Variants in SF3B1 observed in about 807,000 individuals in gnomAD.
SF3B1 encodes pre-mRNA processing 10.
A neutral mutation model predicts 153.8 loss-of-function variants in SF3B1; 12 were observed. That is an observed-to-expected ratio of 0.08 (90% confidence interval 0.05 to 0.13). The LOEUF (loss-of-function observed/expected upper bound fraction) is 0.13, where lower values mean the gene tolerates loss of function less well. SF3B1 is among the 10% of genes least tolerant of loss of function. The pLI, the probability that SF3B1 is intolerant of heterozygous loss-of-function variation, is 1.00. For synonymous variants in SF3B1, 498 were observed against 525.2 expected, an observed-to-expected ratio of 0.95 and a Z score of 0.71; for missense variants, 513 against 1,606.1, an observed-to-expected ratio of 0.32 and a Z score of 11.63.
At chr2:197,393,213 T>C (rs754175099) in intron 23 of SF3B1, 25 bp from the exon 24 acceptor site, 1 of 1,503,644 alleles carries the variant, frequency 6.7e-7, no homozygotes, top group Non-Finnish European at 9.3e-7. Flanking sequence ...AAAAAAGTCC[T>C]TTAAGATGCG....
At chr2:197,392,853 C>T in intron 24 of SF3B1, 119 bp downstream of exon 24, 2 of 649,430 alleles carry the variant, frequency 3.1e-6, no homozygotes, top group East Asian at 5.4e-5. Context: ...GTGCAGCAAA[C>T]CACCATGGCA....
intron 2 of SF3B1, 29 bp downstream of exon 2, chr2:197,423,779 C>G: frequency 6.2e-7 from 1 of 1,603,134 alleles, no homozygotes. Flanking sequence ...AAAAAAATAA[C>G]TGCCTCTTGT....
At chr2:197,431,747 G>A (rs997049738) in intron 1 of SF3B1, among the ~76,000 whole-genome samples, 1 of 151,936 alleles carries the variant, frequency 6.6e-6, no homozygotes, top group Non-Finnish European at 1.5e-5. Context: ...AACTCCAATA[G>A]GACAACTAAC....
rs1235376677 is a variant in SF3B1 at position 197,398,193 on chromosome 2, A to G, written c.3135-77T>C. On this transcript the variant is annotated intron_variant, in intron 21 of 24. Coordinates refer to ENST00000335508, the MANE Select transcript of SF3B1 (RefSeq NM_012433.4). ...AGGATAAATTTGCAAATTCAGTTCTAAAAACATGATTAACTCATTTTAAGC... is the reference window on the plus strand; with the variant it reads ...AGGATAAATTTGCAAATTCAGTTCTGAAAACATGATTAACTCATTTTAAGC... The G allele has an allele frequency of 5.9e-6, 7 of 1,183,234 alleles. No individual in the cohort carries two copies. In the East Asian group the frequency reaches 7.0e-5, roughly 12 times the overall value. 73.3% of individuals were successfully genotyped at this position (1,183,234 alleles called of 1,614,324 possible).
intron 11 of SF3B1, among the ~76,000 whole-genome samples, chr2:197,404,518 A>G (rs1357316704): frequency 1.3e-5 from 2 of 152,110 alleles, no homozygotes; most frequent in Non-Finnish European, 2.9e-5. Flanking sequence ...CGGAGGTTGC[A>G]GTGAGCCAAG....
intron 1 of SF3B1, among the ~76,000 whole-genome samples, chr2:197,431,061 C>T (rs956928969): frequency 6.6e-6 from 1 of 151,722 alleles, no homozygotes; most frequent in Non-Finnish European, 1.5e-5. Flanking sequence ...AACTGCTCCC[C>T]ACCAATTCTG....
intron 1 of SF3B1, among the ~76,000 whole-genome samples, chr2:197,424,362 G>T (rs567436890): frequency 6.6e-6 from 1 of 152,118 alleles, no homozygotes; most frequent in East Asian, 1.9e-4. Context: ...GTAGCTGGGC[G>T]TGGGGGCATG....
intron 21 of SF3B1, 85 bp from the exon 22 acceptor site, chr2:197,398,201 G>C: frequency 9.0e-7 from 1 of 1,112,912 alleles, no homozygotes; most frequent in Non-Finnish European, 1.3e-6. Context: ...CTAAAAACAT[G>C]ATTAACTCAT....
At chr2:197,397,674 G>A (rs568850817) in intron 22 of SF3B1, among the ~76,000 whole-genome samples, 6 of 152,278 alleles carry the variant, frequency 3.9e-5, no homozygotes, top group Non-Finnish European at 7.4e-5. Flanking sequence ...GTGCATGCCT[G>A]TAGTCCCAGC....
At chr2:197,416,087 A>C (rs897110879) in intron 6 of SF3B1, among the ~76,000 whole-genome samples, 1 of 150,616 alleles carries the variant, frequency 6.6e-6, no homozygotes, top group African/African-American at 2.4e-5. Flanking sequence ...CAAAGTGCTG[A>C]GATTATAGGC....
At chr2:197,420,137 A>G (rs1189680815) in intron 4 of SF3B1, 5 of 340,820 alleles carry the variant, frequency 1.5e-5, no homozygotes, top group African/African-American at 2.1e-5. Context: ...CATTTGATCC[A>G]AGTATAGAAA....
chr2:197,402,967 G>T lies in SF3B1; in HGVS notation c.1788C>A (p.Ile596=). The change falls in exon 13 of 25, where the codon ATC becomes ATA. Residue 596 remains isoleucine, a synonymous_variant. Transcript: ENST00000335508. This position sits in a 1 kb window ranked among gnomAD's most constrained non-coding sequence, Gnocchi z 4.6. ...TAAATACCTTTGCCAAATTAGAAAT[G>T]ATCTCTCGGCCTTCCACTCTAGCAT... ...DYYARVEGRE[I]ISNLAKAAGL... is the part of the protein sequence containing the mutation. The T allele has an allele frequency of 6.2e-7, 1 of 1,613,560 alleles. No individual in the cohort carries two copies. The highest frequency in any genetic ancestry group is 8.5e-7 in the Non-Finnish European group (1 of 1,179,640).
At chr2:197,417,334 T>C (rs1334619978) in intron 5 of SF3B1, among the ~76,000 whole-genome samples, 1 of 152,094 alleles carries the variant, frequency 6.6e-6, no homozygotes, top group Non-Finnish European at 1.5e-5. Context: ...ATTATGTAAA[T>C]ATGCATAGTG....
chr2:197,403,077 T>C (rs2084951848), intron 12 of SF3B1, 42 bp from the exon 13 acceptor site: 2 of 1,360,612 alleles, frequency 1.5e-6, no homozygotes, highest in African/African-American at 2.9e-5. Context: ...TTCACATCAA[T>C]TACTGATGAA....
Position 197,398,959 on chromosome 2 carries a change from G to T in SF3B1, c.3014-378C>A, listed in dbSNP as rs185330349. ...AATAAAGCAAAAATTTCCAGAAAGGGCCCCCTTACCCTTTAACTGCAAAAC... is the reference window on the plus strand; with the variant it reads ...AATAAAGCAAAAATTTCCAGAAAGGTCCCCCTTACCCTTTAACTGCAAAAC... On this transcript the variant is annotated intron_variant, in intron 20 of 24. Coordinates refer to ENST00000335508, the MANE Select transcript of SF3B1 (RefSeq NM_012433.4). 18 of 936,982 alleles carry T rather than the reference G, an allele frequency of 1.9e-5. No homozygotes were observed. In the Admixed American group the frequency reaches 4.2e-4, roughly 22 times the overall value. The allele number at this position is 936,982 out of a possible 1,614,324, so 58.0% of individuals were successfully genotyped here.
Position 197,400,307 on chromosome 2 carries a change from T to C in SF3B1, c.2846A>G (p.Gln949Arg). Residue 949 changes from glutamine to arginine, a missense_variant, in exon 19 of 25, where the codon CAA (glutamine) becomes CGA (arginine). Around this residue, in one of 21 missense-constraint regions of SF3B1, gnomAD observed 20 missense variants for 90.4 expected, o/e 0.22. Transcript: ENST00000335508. The surrounding 1 kb of genome is among the most constrained non-coding windows in gnomAD (Gnocchi z 5.0). ...TCGAGAAATCAAGTCAGCTGCCTGT[T>C]GCCTAACTTTAGCAGATTTGTTATT... The part of the protein sequence containing the change: ...RLNNKSAKVR[Q>R]QAADLISRTA... The C allele has an allele frequency of 6.2e-7, 1 of 1,614,148 alleles. No individual in the cohort carries two copies. Among genetic ancestry groups the C allele is most frequent in the Non-Finnish European group, 8.5e-7 (1 of 1,179,966 alleles).
Position 197,392,968 on chromosome 2 carries a change from T to G in SF3B1, c.3756+4A>C, listed in dbSNP as rs757204976. On this transcript the variant is annotated splice_donor_region_variant and intron_variant, in intron 24 of 24. Transcript: ENST00000335508. Reference sequence around the variant, plus strand: ...ACCGATTAAAAAAAAAATCTTTAACTTACCTGTAAACAATATTGCAACATT... The same window carrying G: ...ACCGATTAAAAAAAAAATCTTTAACGTACCTGTAAACAATATTGCAACATT... The G allele has an allele frequency of 6.4e-7, 1 of 1,561,692 alleles. No individual in the cohort carries two copies.
At chr2:197,418,889 T>A in intron 4 of SF3B1, 2 of 1,588,294 alleles carry the variant, frequency 1.3e-6, no homozygotes, top group Non-Finnish European at 1.7e-6. Flanking sequence ...TAATCCGGAA[T>A]ACGTACACTT....
At chr2:197,417,132 G>A (rs2085159591) in intron 5 of SF3B1, among the ~76,000 whole-genome samples, 1 of 152,044 alleles carries the variant, frequency 6.6e-6, no homozygotes, top group Admixed American at 6.6e-5. Context: ...TTCAGAATTC[G>A]TAACATAGCA....
Sources: allele counts gnomAD v4.1 joint callset (sites outside exome capture counted in the v4.1 genomes callset), GRCh38; gene constraint gnomAD v4.1.1; regional missense constraint gnomAD v4.1.1; non-coding constraint Gnocchi (gnomAD v3.1); transcripts MANE v1.5; gene names NCBI Gene and HGNC (gene_info 2026-07-23, HGNC 2026-07-21).